Variants in AMPH observed in about 807,000 individuals in gnomAD.
The protein encoded by AMPH is amphiphysin (Stiff-Mann syndrome with breast cancer 128kD autoantigen).
AMPH carries 49 observed loss-of-function variants against 99.1 expected under a neutral mutation model. That is an observed-to-expected ratio of 0.49 (90% confidence interval 0.39 to 0.63). The LOEUF (loss-of-function observed/expected upper bound fraction) is 0.63. AMPH is among the 20% of genes least tolerant of loss of function. The pLI is 0.00. For missense variants in AMPH, 759 were observed against 863.4 expected (o/e 0.88, Z 1.52); for synonymous variants, 314 against 317.3 (o/e 0.99, Z 0.11).
At chr7:38,572,573 T>G (rs7792397) in intron 1 of AMPH, among the ~76,000 whole-genome samples, 1 of 152,104 alleles carries the variant, frequency 6.6e-6, no homozygotes, top group Non-Finnish European at 1.5e-5. Flanking sequence ...TGTTCCCATA[T>G]CTGAGCTGAA....
chr7:38,466,117 A>G (rs1390662009), intron 8 of AMPH, 56 bp downstream of exon 8: 3 of 1,419,908 alleles, frequency 2.1e-6, no homozygotes, highest in African/African-American at 2.9e-5. Flanking sequence ...TTTGCTTCCA[A>G]AATAAACCTT....
intron 17 of AMPH, among the ~76,000 whole-genome samples, chr7:38,399,150 C>A (rs1784773387): frequency 6.6e-6 from 1 of 152,220 alleles, no homozygotes; most frequent in Non-Finnish European, 1.5e-5. Context: ...TTTTAATGAT[C>A]TACTTGGAAA....
intron 8 of AMPH, 133 bp downstream of exon 8, chr7:38,466,040 G>A: frequency 1.5e-6 from 1 of 677,232 alleles, no homozygotes; most frequent in Non-Finnish European, 2.5e-6. Flanking sequence ...GTTATCGAGG[G>A]TAATAACACA....
At chr7:38,394,808 T>C (rs1784620448) in intron 17 of AMPH, among the ~76,000 whole-genome samples, 1 of 152,244 alleles carries the variant, frequency 6.6e-6, no homozygotes, top group Non-Finnish European at 1.5e-5. Context: ...GTAGATTCAC[T>C]GAGCGCTAAT....
chr7:38,406,833 C>T lies in AMPH; in HGVS notation c.1398+10992G>A, dbSNP rs1009977009. Among the ~76,000 whole-genome samples, 8 of 141,904 alleles carry T rather than the reference C, an allele frequency of 5.6e-5. 1 individual carries two copies. Among genetic ancestry groups the T allele is most frequent in the African/African-American group, 2.2e-4 (8 of 37,204 alleles). 93.1% of individuals were successfully genotyped at this position (141,904 alleles called of 152,430 possible). ...CAAAACTCAAGGTTTTGGGACTTAA[C>T]ACCAGTGGCCTCTTGGGGGTTCTCA... On this transcript the variant is annotated intron_variant, in intron 17 of 20. Transcript: ENST00000356264.
chr7:38,623,499 G>A (rs909322209), intron 1 of AMPH, among the ~76,000 whole-genome samples: 3 of 152,160 alleles, frequency 2.0e-5, no homozygotes, highest in Non-Finnish European at 4.4e-5. Context: ...TTCTAATACA[G>A]CCAGAGAAAA....
rs185420581 is a variant in AMPH at position 38,396,550 on chromosome 7, T to C, written c.1399-2336A>G. ...ATGGGTTCACAAAAGTAATGATTTC[T>C]CATGAATTGTAACAGACACTTATTT... On this transcript the variant is annotated intron_variant, in intron 17 of 20. Coordinates refer to ENST00000356264, the MANE Select transcript of AMPH (RefSeq NM_001635.4). Among the ~76,000 whole-genome samples, 267 of 152,348 alleles carry C rather than the reference T, an allele frequency of 1.8e-3. 2 individuals carry two copies. The highest frequency in any genetic ancestry group is 6.2e-3 in the African/African-American group (257 of 41,588).
chr7:38,557,672 C>A (rs1791414910), intron 1 of AMPH, among the ~76,000 whole-genome samples: 1 of 152,132 alleles, frequency 6.6e-6, no homozygotes, highest in African/African-American at 2.4e-5. Context: ...ACTAACACAC[C>A]AGGCCCTGCT....
chr7:38,541,371 C>T (rs1039933387), intron 1 of AMPH, among the ~76,000 whole-genome samples: 4 of 125,946 alleles, frequency 3.2e-5, no homozygotes, highest in Non-Finnish European at 7.1e-5. Flanking sequence ...AGTCCTTTGA[C>T]CTCTTTCCGA....
chr7:38,605,316 T>A (rs1325050311), intron 1 of AMPH, among the ~76,000 whole-genome samples: 1 of 152,146 alleles, frequency 6.6e-6, no homozygotes, highest in Non-Finnish European at 1.5e-5. Flanking sequence ...CCATGACACA[T>A]GAAATGATGG....
chr7:38,583,165 G>T (rs1404620755), intron 1 of AMPH, among the ~76,000 whole-genome samples: 1 of 152,186 alleles, frequency 6.6e-6, no homozygotes, highest in African/African-American at 2.4e-5. Flanking sequence ...AAGAGCCCAA[G>T]ATTACATTTC....
chr7:38,543,428 C>A (rs10228705), intron 1 of AMPH, among the ~76,000 whole-genome samples: 107,047 of 152,030 alleles, frequency 0.7, 38,395 homozygotes, highest in Non-Finnish European at 0.78. Flanking sequence ...ACAGATGAAG[C>A]AGATAGATAG....
chr7:38,405,068 A>G (rs1337483742), intron 17 of AMPH, among the ~76,000 whole-genome samples: 1 of 152,212 alleles, frequency 6.6e-6, no homozygotes, highest in Non-Finnish European at 1.5e-5. Context: ...GCCTTCTTAA[A>G]GAAAAAAAAA....
intron 1 of AMPH, among the ~76,000 whole-genome samples, chr7:38,578,380 C>A (rs1230446576): frequency 6.6e-6 from 1 of 152,126 alleles, no homozygotes; most frequent in South Asian, 2.1e-4. Context: ...GAAAACAATT[C>A]CCAAAGAACT....
intron 2 of AMPH, among the ~76,000 whole-genome samples, chr7:38,528,983 G>C (rs1391810988): frequency 6.6e-6 from 1 of 152,082 alleles, no homozygotes; most frequent in Non-Finnish European, 1.5e-5. Context: ...CCTAAGTCCA[G>C]AGTTCTAATG....
chr7:38,623,134 T>A (rs1370758001), intron 1 of AMPH, among the ~76,000 whole-genome samples: 1 of 152,180 alleles, frequency 6.6e-6, no homozygotes. Flanking sequence ...TCATAATAAT[T>A]GGGTAGGAAG....
intron 17 of AMPH, among the ~76,000 whole-genome samples, chr7:38,410,379 G>T (rs1785179175): frequency 6.6e-6 from 1 of 152,144 alleles, no homozygotes. Context: ...AGATGGCAGT[G>T]TGGGGCCTGA....
At chr7:38,489,497 A>T (rs1272385194) in intron 5 of AMPH, among the ~76,000 whole-genome samples, 1 of 152,116 alleles carries the variant, frequency 6.6e-6, no homozygotes, top group Non-Finnish European at 1.5e-5. Context: ...CCAAAAAGAT[A>T]GGCAACAAAA....
chr7:38,392,017 C>T lies in AMPH; in HGVS notation c.1609G>A (p.Glu537Lys), dbSNP rs1265019164. 2.5e-6 allele frequency: 4 copies of T among 1,603,956 alleles called. No individual in the cohort carries two copies. The highest frequency in any genetic ancestry group is 3.3e-5 in the Admixed American group (2 of 59,934). The change falls in exon 19 of 21, where the codon GAG becomes AAG. Residue 537 changes from glutamate to lysine, a missense_variant and splice_region_variant. Transcript: ENST00000356264. ...ATGACCACCGAAGGAATGACCTTCTCCTGGGGGAAGAAAAACCGTGGCGAT... is the reference window on the plus strand; with the variant it reads ...ATGACCACCGAAGGAATGACCTTCTTCTGGGGGAAGAAAAACCGTGGCGAT... ...AEELEATVPQ[E>K]KVIPSVVIEP...
Sources: gnomAD v4.1 joint callset for allele counts (sites outside exome capture counted in the v4.1 genomes callset) on GRCh38, gnomAD v4.1.1 for gene constraint, MANE v1.5 for transcripts, NCBI Gene and HGNC (gene_info 2026-07-23, HGNC 2026-07-21) for gene names.